The following ADAM17 variants were observed in gnomAD, a reference collection of about 807,000 sequenced individuals.
ADAM17 encodes disintegrin and metalloproteinase domain-containing protein 17.
Under a neutral mutation model 96.7 loss-of-function variants are expected in ADAM17, and 39 were observed. That is an observed-to-expected ratio of 0.40 (90% CI 0.31 to 0.53). The LOEUF (loss-of-function observed/expected upper bound fraction) is 0.53. Ranked by LOEUF, ADAM17 falls within the 20% of genes least tolerant of loss-of-function variation. The pLI, the probability that ADAM17 is intolerant of heterozygous loss-of-function variation, is 0.44. For synonymous variants in ADAM17, 344 were observed against 359.2 expected (o/e 0.96, Z 0.48); for missense variants, 777 against 1,013.2 (o/e 0.77, Z 3.17).
intron 11 of ADAM17, 141 bp downstream of exon 11, chr2:9,509,838 C>T: frequency 1.8e-6 from 2 of 1,093,394 alleles, no homozygotes; most frequent in East Asian, 2.4e-5. Flanking sequence ...AAACACACAA[C>T]CACGTTTCAA....
chr2:9,555,359 G>A (rs1029470427), intron 1 of ADAM17, 150 bp downstream of exon 1: 1 of 586,490 alleles, frequency 1.7e-6, no homozygotes, highest in Non-Finnish European at 2.9e-6. Context: ...CAAACTCCGA[G>A]AGCCACACCC....
intron 16 of ADAM17, 38 bp from the exon 17 acceptor site, chr2:9,493,024 T>C: frequency 6.6e-7 from 1 of 1,516,170 alleles, no homozygotes; most frequent in South Asian, 1.2e-5. Context: ...CTTGACCAAG[T>C]ACTTCACAAA....
rs1558530667 is a variant in ADAM17, at chr2:9,555,558, C to A, written c.48G>T (p.Leu16=). 1.9e-6 allele frequency: 3 copies of A among 1,603,040 alleles called. No homozygotes were observed. Among genetic ancestry groups the A allele is most frequent in the South Asian group, 2.2e-5 (2 of 89,064 alleles). Residue 16 remains leucine, a synonymous_variant, in exon 1 of 19, where the codon CTG becomes CTT. Transcript: ENST00000310823. ...LFLTSVVPFV[L]APRPPDDPGF... ...CCGGGTCATCCGGAGGTCGCGGCGC[C>A]AGCACGAAAGGAACCACGCTGGTCA...
chr2:9,528,871 A>C (rs1371015628), intron 4 of ADAM17, among the ~76,000 whole-genome samples: 1 of 152,220 alleles, frequency 6.6e-6, no homozygotes, highest in Non-Finnish European at 1.5e-5. Flanking sequence ...TGGTAAAACC[A>C]CTTTAGAAAA....
Position 9,551,529 on chromosome 2 carries a change from G to A in ADAM17, c.97+3980C>T, listed in dbSNP as rs532809028. 4.6e-5 allele frequency among the ~76,000 whole-genome samples: 7 copies of A among 152,068 alleles called. No individual in the cohort carries two copies. The South Asian group carries it at 8.3e-4, about 18-fold the overall frequency. On this transcript the variant is annotated intron_variant, in intron 1 of 18. Coordinates refer to ENST00000310823, the MANE Select transcript of ADAM17 (RefSeq NM_003183.6). ...GGCTGGAGTGCAGTGGCGCGATCTC[G>A]GCTCACTGCAAGCTCCACCTCCCAG...
chr2:9,492,968 T>C lies in ADAM17; in HGVS notation c.2012A>G (p.Asn671Ser). The C allele has an allele frequency of 1.9e-6, 3 of 1,611,508 alleles. No homozygotes were observed. The highest frequency in any genetic ancestry group is 1.7e-6 in the Non-Finnish European group (2 of 1,178,598). ...INTFGKFLADNIVGSVLVFSL... is the reference protein window; with the variant it reads ...INTFGKFLADSIVGSVLVFSL... ...GAAAACCAGGACAGACCCAACGATG[T>C]TGTCTGCTAAAAACTTTCCTGTGAA... is the stretch of plus-strand genomic sequence containing the variant. Residue 671 changes from asparagine (N) to serine (S), a missense_variant, in exon 17 of 19, where the codon AAC (asparagine) becomes AGC (serine). Asn to Ser is a conservative substitution (Grantham distance 46). Transcript: ENST00000310823.
At chr2:9,500,596 C>A (rs1384658865) in intron 13 of ADAM17, among the ~76,000 whole-genome samples, 3 of 152,000 alleles carry the variant, frequency 2.0e-5, no homozygotes, top group African/African-American at 7.2e-5. Flanking sequence ...TCAAACCAAC[C>A]AACCAAGAGA....
chr2:9,545,339 C>T (rs1314799407), intron 1 of ADAM17, among the ~76,000 whole-genome samples: 2 of 151,960 alleles, frequency 1.3e-5, no homozygotes, highest in Non-Finnish European at 2.9e-5. Flanking sequence ...GAGGCAGAGG[C>T]GGGTGGATCA....
At chr2:9,531,898 A>T (rs1664755931) in intron 4 of ADAM17, among the ~76,000 whole-genome samples, 1 of 152,238 alleles carries the variant, frequency 6.6e-6, no homozygotes, top group East Asian at 1.9e-4. Flanking sequence ...GACATTTGAG[A>T]TCAGCCTGGG....
intron 14 of ADAM17, chr2:9,496,674 T>A (rs1662628512): frequency 6.4e-6 from 1 of 156,798 alleles, no homozygotes; most frequent in South Asian, 2.0e-4. Context: ...AAAATCCTCA[T>A]CTAGTGGGGT....
At chr2:9,493,114 ATGTC>A in intron 16 of ADAM17, 128 bp from the exon 17 acceptor site, 2 of 716,982 alleles carry the variant, frequency 2.8e-6, no homozygotes, top group South Asian at 4.0e-5. Flanking sequence ...CGAGAGCAGA[ATGTC>A]TGTGCTGCCT....
At chr2:9,506,311 T>C (rs1391448051) in intron 11 of ADAM17, among the ~76,000 whole-genome samples, 1 of 149,992 alleles carries the variant, frequency 6.7e-6, no homozygotes, top group African/African-American at 2.4e-5. Context: ...AAAGACCTCA[T>C]CTTACACAGA....
At position 9,494,783 on chromosome 2, in the gene ADAM17, C is replaced by T. The variant is rs762207985; in HGVS notation, c.1784-16G>A. The T allele has an allele frequency of 8.3e-5, 134 of 1,613,034 alleles. No homozygotes were observed. The highest frequency in any genetic ancestry group is 9.4e-5 in the Non-Finnish European group (111 of 1,179,402). ...TTGTCAGTTTCTGGAACAGAGAACA[C>T]GCATTGACAGCTGGATTGTTCTGAG... On this transcript the variant is annotated splice_polypyrimidine_tract_variant and intron_variant, in intron 14 of 18. Coordinates refer to ENST00000310823, the MANE Select transcript of ADAM17 (RefSeq NM_003183.6).
intron 7 of ADAM17, among the ~76,000 whole-genome samples, chr2:9,522,593 T>G (rs1664358189): frequency 6.6e-6 from 1 of 152,136 alleles, no homozygotes; most frequent in African/African-American, 2.4e-5. Context: ...ATATAACTTA[T>G]AAAAATATGG....
intron 1 of ADAM17, among the ~76,000 whole-genome samples, chr2:9,554,802 C>T (rs1408588791): frequency 6.6e-6 from 1 of 152,114 alleles, no homozygotes; most frequent in African/African-American, 2.4e-5. Context: ...TACTTTCTAG[C>T]CTCTAAATTC....
At chr2:9,518,542 C>G (rs1211419294) in intron 8 of ADAM17, among the ~76,000 whole-genome samples, 1 of 152,196 alleles carries the variant, frequency 6.6e-6, no homozygotes, top group African/African-American at 2.4e-5. Flanking sequence ...GAGGGCTGTT[C>G]TGAAGACATA....
chr2:9,495,140 T>A (rs1161825683), intron 14 of ADAM17, among the ~76,000 whole-genome samples: 1 of 152,226 alleles, frequency 6.6e-6, no homozygotes, highest in African/African-American at 2.4e-5. Context: ...CAGTCTAAAG[T>A]GTGCCCCTCA....
intron 4 of ADAM17, among the ~76,000 whole-genome samples, chr2:9,530,124 G>T (rs1343895655): frequency 6.6e-6 from 1 of 152,178 alleles, no homozygotes; most frequent in African/African-American, 2.4e-5. Flanking sequence ...AGAAACAAGG[G>T]TTACAGAATT....
chr2:9,508,783 A>G (rs961168206), intron 11 of ADAM17, among the ~76,000 whole-genome samples: 1 of 152,222 alleles, frequency 6.6e-6, no homozygotes, highest in Non-Finnish European at 1.5e-5. Context: ...TATAGTGAAC[A>G]TGATTAGAAA....
Sources: gnomAD v4.1 joint callset for allele counts (sites outside exome capture counted in the v4.1 genomes callset) on GRCh38, gnomAD v4.1.1 for gene constraint, MANE v1.5 for transcripts, NCBI Gene and HGNC (gene_info 2026-07-23, HGNC 2026-07-21) for gene names.